The following SERINC1 variants were observed in gnomAD, a reference collection of about 807,000 sequenced individuals.
SERINC1 encodes the protein serine incorporator 1.
Under a neutral mutation model 52.9 loss-of-function variants are expected in SERINC1, and 38 were observed. The ratio of observed to expected loss-of-function variants is 0.72; its 90% CI spans 0.55 to 0.94. The LOEUF (loss-of-function observed/expected upper bound fraction) is 0.94. SERINC1 is among the 40% of genes least tolerant of loss of function. The pLI, the probability that SERINC1 is intolerant of heterozygous loss-of-function variation, is 0.00. For synonymous variants in SERINC1, 198 were observed against 183.1 expected (o/e 1.08, Z -0.66); for missense variants, 471 against 533.9 (o/e 0.88, Z 1.16).
chr6:122,459,952 T>C (rs1775072713), intron 1 of SERINC1, among the ~76,000 whole-genome samples: 1 of 152,180 alleles, frequency 6.6e-6, no homozygotes, highest in African/African-American at 2.4e-5. Flanking sequence ...ACCAGACTTA[T>C]CCTCCTGACT....
At chr6:122,457,694 A>T (rs1775023121) in intron 2 of SERINC1, among the ~76,000 whole-genome samples, 1 of 151,980 alleles carries the variant, frequency 6.6e-6, no homozygotes, top group African/African-American at 2.4e-5. Flanking sequence ...CCATGGTGGC[A>T]CCCTGATCTC....
At chr6:122,449,300 C>G (rs557395386) in intron 7 of SERINC1, among the ~76,000 whole-genome samples, 25 of 152,336 alleles carry the variant, frequency 1.6e-4, no homozygotes, top group African/African-American at 6.0e-4. Context: ...AGGTCAAAAG[C>G]TAGGCCTTCT....
intron 2 of SERINC1, 21 bp downstream of exon 2, chr6:122,458,499 T>C: frequency 1.3e-6 from 2 of 1,587,736 alleles, no homozygotes; most frequent in Non-Finnish European, 1.7e-6. Flanking sequence ...AGTTAATCAA[T>C]AAATAAGAAA....
At chr6:122,447,512 T>C (rs184476639) in intron 7 of SERINC1, among the ~76,000 whole-genome samples, 167 of 152,290 alleles carry the variant, frequency 1.1e-3, no homozygotes, top group African/African-American at 3.4e-3. Flanking sequence ...CAACATGTGA[T>C]AGCTGAGAGA....
At chr6:122,459,593 A>C (rs1057150640) in intron 1 of SERINC1, among the ~76,000 whole-genome samples, 2 of 152,230 alleles carry the variant, frequency 1.3e-5, no homozygotes, top group Admixed American at 6.5e-5. Context: ...CAAAAGTTAA[A>C]CATAAACATC....
At chr6:122,470,209 C>G (rs1775256643) in intron 1 of SERINC1, among the ~76,000 whole-genome samples, 1 of 152,186 alleles carries the variant, frequency 6.6e-6, no homozygotes, top group African/African-American at 2.4e-5. Flanking sequence ...ACCCCCATCT[C>G]TAAAAAACTG....
At chr6:122,463,270 C>T (rs1322709681) in intron 1 of SERINC1, among the ~76,000 whole-genome samples, 1 of 152,000 alleles carries the variant, frequency 6.6e-6, no homozygotes, top group East Asian at 1.9e-4. Flanking sequence ...GAAAGTTAAC[C>T]TTAAGCCATA....
intron 9 of SERINC1, among the ~76,000 whole-genome samples, chr6:122,445,593 G>A (rs1483934496): frequency 9.6e-6 from 1 of 104,518 alleles, no homozygotes; most frequent in East Asian, 3.3e-4. Flanking sequence ...TCAGAATTAA[G>A]AGACTGGTAT....
In SERINC1 at chr6:122,453,796, T is replaced by A; in HGVS notation, c.563A>T (p.Glu188Val). 6.2e-7 allele frequency: 1 copy of A among 1,608,074 alleles called. No homozygotes were observed. The highest frequency in any genetic ancestry group is 8.5e-7 in the Non-Finnish European group (1 of 1,175,968). ...WNESWVEKME[E>V]GNSRCWYAAL... ...TGCATACCAACATCTCGAGTTCCCTTCTTCCATTTTTTCAACCCACGATTC... is the reference window on the plus strand; with the variant it reads ...TGCATACCAACATCTCGAGTTCCCTACTTCCATTTTTTCAACCCACGATTC... Residue 188 changes from glutamate to valine, a missense_variant, in exon 5 of 10, where the codon GAA becomes GTA. Coordinates refer to ENST00000339697, the MANE Select transcript of SERINC1 (RefSeq NM_020755.4).
rs1364315331 is a variant in SERINC1, at chr6:122,456,597, A to C, written c.255T>G (p.Val85=). 8.7e-6 allele frequency: 14 copies of C among 1,612,162 alleles called. No individual in the cohort carries two copies. The highest frequency in any genetic ancestry group is 1.2e-5 in the Non-Finnish European group (14 of 1,178,962). ...ACAAACGATATACAGCTTTATAGCCAACCAAAATGTTACAAGGGACAACAC... is the reference window on the plus strand; with the variant it reads ...ACAAACGATATACAGCTTTATAGCCCACCAAAATGTTACAAGGGACAACAC... ...EKGVVPCNIL[V]GYKAVYRLCF... is the part of the protein sequence containing the mutation. The change falls in exon 3 of 10, where the codon GTT becomes GTG. Residue 85 remains valine, a synonymous_variant. Transcript: ENST00000339697.
chr6:122,464,577 C>G (rs1775156057), intron 1 of SERINC1, among the ~76,000 whole-genome samples: 1 of 152,120 alleles, frequency 6.6e-6, no homozygotes, highest in Non-Finnish European at 1.5e-5. Context: ...GAAATAACTA[C>G]AAAGTTCTGA....
chr6:122,444,140 A>G lies in SERINC1; in HGVS notation c.*904T>C, dbSNP rs1022996714. On this transcript the variant is annotated 3_prime_UTR_variant, in exon 10 of 10. Coordinates refer to ENST00000339697, the MANE Select transcript of SERINC1 (RefSeq NM_020755.4). ...CTCCTCAGTAGCTGGGACCACAGGC[A>G]TATGCTACAAAGCCCAGATTATTTT... 2 of 152,130 alleles carry G rather than the reference A, an allele frequency of 1.3e-5. No individual in the cohort carries two copies. Among genetic ancestry groups the G allele is most frequent in the African/African-American group, 4.8e-5 (2 of 41,364 alleles). The allele number at this position is 152,130 out of a possible 1,614,324, so 9.4% of individuals were successfully genotyped here. A position where few individuals can be genotyped will look rare whatever the true frequency, so the allele number is the denominator to read the frequency against.
chr6:122,466,022 G>GGTC, intron 1 of SERINC1, among the ~76,000 whole-genome samples: 1 of 152,184 alleles, frequency 6.6e-6, no homozygotes, highest in Middle Eastern at 3.4e-3. Flanking sequence ...GATCACTTGA[G>GGTC]GTCAGGAGTT....
At chr6:122,452,299 A>G (rs988061543) in intron 5 of SERINC1, among the ~76,000 whole-genome samples, 6 of 152,206 alleles carry the variant, frequency 3.9e-5, no homozygotes, top group Non-Finnish European at 5.9e-5. Context: ...AGTTAGTAAG[A>G]AACTAATAGG....
At chr6:122,464,668 A>G (rs1775157268) in intron 1 of SERINC1, among the ~76,000 whole-genome samples, 1 of 152,240 alleles carries the variant, frequency 6.6e-6, no homozygotes, top group Non-Finnish European at 1.5e-5. Flanking sequence ...CAAAGAACTT[A>G]GAGATTCCGG....
chr6:122,446,945 G>A lies in SERINC1; in HGVS notation c.1055C>T (p.Thr352Ile), dbSNP rs878880940. The change falls in exon 9 of 10, where the codon ACA (threonine) becomes ATA (isoleucine). Residue 352 changes from threonine (T) to isoleucine (I), a missense_variant. Transcript: ENST00000339697. ...NKLTLTSDES[T>I]LIEDGGARSD... ...TCTAGCTCCACCATCTTCTATTAAT[G>A]TAGATTCATCACTTGTTAGAGTCAG... 25 of 1,613,634 alleles carry A rather than the reference G, an allele frequency of 1.5e-5. No individual in the cohort carries two copies. Among genetic ancestry groups the A allele is most frequent in the Admixed American group, 8.3e-5 (5 of 60,022 alleles).
chr6:122,470,501 C>CAAAA (rs1223868291), intron 1 of SERINC1, among the ~76,000 whole-genome samples: 1 of 152,056 alleles, frequency 6.6e-6, no homozygotes, highest in Non-Finnish European at 1.5e-5. Context: ...TATCAGTTTT[C>CAAAA]AAAACTGTTT....
chr6:122,453,837 A>C lies in SERINC1; in HGVS notation c.522T>G (p.Phe174Leu), dbSNP rs913047530. 1.2e-6 allele frequency: 2 copies of C among 1,610,496 alleles called. No homozygotes were observed. Among genetic ancestry groups the C allele is most frequent in the Admixed American group, 1.7e-5 (1 of 59,878 alleles). Residue 174 changes from phenylalanine (F) to leucine (L), a missense_variant, in exon 5 of 10, where the codon TTT becomes TTG. Transcript: ENST00000339697. ...CCCACGATTCATTCCATGAATGTGC[A>C]AAATCAATAAGTAAGACTAGTTGTA... ...ILIQLVLLID[F>L]AHSWNESWVE...
chr6:122,455,328 G>C (rs2114481471), intron 3 of SERINC1, among the ~76,000 whole-genome samples: 1 of 152,202 alleles, frequency 6.6e-6, no homozygotes, highest in East Asian at 1.9e-4. Context: ...GGCTGGGAAA[G>C]GCAGACACAC....
Sources: gnomAD v4.1 joint callset for allele counts (sites outside exome capture counted in the v4.1 genomes callset) on GRCh38, gnomAD v4.1.1 for gene constraint, MANE v1.5 for transcripts, NCBI Gene and HGNC (gene_info 2026-07-23, HGNC 2026-07-21) for gene names.